The following RIMS2 variants were observed in gnomAD, a reference collection of about 807,000 sequenced individuals.
The protein encoded by RIMS2 is regulating synaptic membrane exocytosis 2, also known as regulating synaptic membrane exocytosis protein 2.
Under a neutral mutation model 174.4 loss-of-function variants are expected in RIMS2, and 59 were observed. The observed-to-expected ratio is 0.34, with a 90% confidence interval of 0.27 to 0.42. The LOEUF is 0.42. Ranked by LOEUF, RIMS2 falls within the 10% of genes least tolerant of loss-of-function variation. RIMS2 has a pLI of 1.00. For missense variants in RIMS2, 1,620 were observed against 1,666.3 expected (o/e 0.97, Z 0.48); for synonymous variants, 606 against 572.5 (o/e 1.06, Z -0.84).
At chr8:103,758,726 T>G (rs1219510513) in intron 2 of RIMS2, among the ~76,000 whole-genome samples, 1 of 152,218 alleles carries the variant, frequency 6.6e-6, no homozygotes, top group Non-Finnish European at 1.5e-5. Context: ...GAAACAACAG[T>G]CTTTCTATTG....
At chr8:103,907,493 G>A (rs1414510511) in intron 4 of RIMS2, among the ~76,000 whole-genome samples, 3 of 151,762 alleles carry the variant, frequency 2.0e-5, no homozygotes, top group Non-Finnish European at 4.4e-5. Flanking sequence ...TATTTGATTT[G>A]TAGACCTCCC....
At chr8:103,574,305 C>G (rs1432772212) in intron 1 of RIMS2, among the ~76,000 whole-genome samples, 1 of 152,076 alleles carries the variant, frequency 6.6e-6, no homozygotes, top group Non-Finnish European at 1.5e-5. Context: ...GTATGGAGTG[C>G]TTTTGCCATT....
At chr8:104,251,063 G>T (rs2140303663) in exon 23 of RIMS2, 1 of 1,613,336 alleles carries the variant, frequency 6.2e-7, no homozygotes, top group African/African-American at 1.3e-5. Context: ...AACGGAGTCT[G>T]CATAGCCAAA....
At chr8:103,776,286 G>A (rs529830533) in intron 3 of RIMS2, among the ~76,000 whole-genome samples, 39 of 152,194 alleles carry the variant, frequency 2.6e-4, no homozygotes, top group African/African-American at 8.2e-4. Flanking sequence ...CTACTAAAAC[G>A]AAGTGTGATA....
At chr8:103,877,517 C>G (rs2099147122) in intron 3 of RIMS2, among the ~76,000 whole-genome samples, 1 of 151,354 alleles carries the variant, frequency 6.6e-6, no homozygotes, top group African/African-American at 2.4e-5. Context: ...TACTCTGCTG[C>G]TCAGTGTATG....
chr8:103,937,796 A>T (rs761769947), intron 13 of RIMS2, among the ~76,000 whole-genome samples: 1 of 152,216 alleles, frequency 6.6e-6, no homozygotes, highest in African/African-American at 2.4e-5. Flanking sequence ...AGACCAGGGC[A>T]TGTCCCTTAA....
intron 11 of RIMS2, among the ~76,000 whole-genome samples, chr8:103,929,896 TG>T (rs2079564064): frequency 6.6e-6 from 1 of 151,902 alleles, no homozygotes; most frequent in South Asian, 2.1e-4. Flanking sequence ...TCTAAGGCAG[TG>T]GTTCTCAAAT....
At chr8:103,732,726 C>T (rs991311324) in intron 2 of RIMS2, among the ~76,000 whole-genome samples, 3 of 152,164 alleles carry the variant, frequency 2.0e-5, no homozygotes, top group Non-Finnish European at 4.4e-5. Context: ...ACCACCACCG[C>T]GGACCTATGG....
At chr8:103,546,748 T>C (rs910488289) in intron 1 of RIMS2, among the ~76,000 whole-genome samples, 1 of 152,158 alleles carries the variant, frequency 6.6e-6, no homozygotes, top group African/African-American at 2.4e-5. Context: ...CATTCAGCCA[T>C]GGGATGTGCT....
intron 4 of RIMS2, among the ~76,000 whole-genome samples, chr8:103,905,836 G>C (rs1265754295): frequency 9.8e-6 from 1 of 102,398 alleles, no homozygotes; most frequent in African/African-American, 3.8e-5. Context: ...CATTTTTATT[G>C]TTCCATCTTC....
intron 2 of RIMS2, among the ~76,000 whole-genome samples, chr8:103,750,787 G>C (rs1413987022): frequency 1.3e-5 from 2 of 152,130 alleles, no homozygotes; most frequent in Non-Finnish European, 1.5e-5. Context: ...CACCATGATT[G>C]TAAGTTTCCT....
chr8:103,569,160 C>T (rs1042055378), intron 1 of RIMS2, among the ~76,000 whole-genome samples: 19 of 152,028 alleles, frequency 1.2e-4, no homozygotes, highest in Non-Finnish European at 2.4e-4. Flanking sequence ...AAGAGTTTTA[C>T]AGTTTTGGCT....
exon 4 of RIMS2, chr8:103,885,395 A>G (rs373874945): frequency 8.1e-6 from 13 of 1,612,620 alleles, no homozygotes; most frequent in Admixed American, 3.3e-5. Flanking sequence ...GGATACCGCA[A>G]TGCCTAGATC....
chr8:103,911,157 GT>G (rs2075602587), intron 5 of RIMS2, among the ~76,000 whole-genome samples: 1 of 152,048 alleles, frequency 6.6e-6, no homozygotes, highest in Admixed American at 6.6e-5. Context: ...TGGAACTTAT[GT>G]TTTGCCTGCT....
chr8:103,881,148 T>C (rs2099165517), intron 3 of RIMS2, among the ~76,000 whole-genome samples: 1 of 151,562 alleles, frequency 6.6e-6, no homozygotes. Flanking sequence ...AATTTAATAA[T>C]ATAAAATTTG....
In RIMS2 at chr8:103,575,699, T is replaced by TATATATATAC. The variant is rs538739527; in HGVS notation, c.176+74638_176+74639insTATATATACA. On this transcript the variant is annotated intron_variant, in intron 1 of 23. Transcript: ENST00000504942. ...ACACACACACACATATATATATATA[T>TATATATATAC]ACACATACAGCACTGAGATTATCAC... is the stretch of plus-strand genomic sequence containing the variant. Among the ~76,000 whole-genome samples, 8 of 149,450 alleles carry TATATATATAC rather than the reference T, an allele frequency of 5.4e-5. No homozygotes were observed. In the East Asian group the frequency reaches 7.8e-4, roughly 15 times the overall value.
At chr8:104,008,115 A>G (rs1170355845) in intron 17 of RIMS2, among the ~76,000 whole-genome samples, 2 of 152,152 alleles carry the variant, frequency 1.3e-5, no homozygotes, top group Non-Finnish European at 2.9e-5. Flanking sequence ...TTAGAGATAT[A>G]CTTTTAAAAA....
At chr8:103,865,241 T>C (rs1038874361) in intron 3 of RIMS2, among the ~76,000 whole-genome samples, 10 of 151,408 alleles carry the variant, frequency 6.6e-5, no homozygotes, top group Non-Finnish European at 1.3e-4. Context: ...AATGAGAAAT[T>C]TGAGTTTCTC....
rs751636552 is a variant in RIMS2, at chr8:104,169,304, C to CTATATA, written c.3335-75581_3335-75576dup. On this transcript the variant is annotated intron_variant, in intron 19 of 23. Transcript: ENST00000504942. The stretch of plus-strand genomic sequence containing the variant: ...AGTCCTGGACTTTTTTTGTTGTTGG[C>CTATATA]TATATATATATATATATATATATAT... 4.7e-3 allele frequency among the ~76,000 whole-genome samples: 413 copies of CTATATA among 87,422 alleles called. 1 individual carries two copies. Among genetic ancestry groups the CTATATA allele is most frequent in the Middle Eastern group, 0.019 (3 of 162 alleles). 57.4% of individuals were successfully genotyped at this position (87,422 alleles called of 152,430 possible). A position where few individuals can be genotyped will look rare whatever the true frequency, so the allele number is the denominator to read the frequency against.
Sources: allele counts gnomAD v4.1 joint callset (sites outside exome capture counted in the v4.1 genomes callset), GRCh38; gene constraint gnomAD v4.1.1; transcripts MANE v1.5; gene names NCBI Gene and HGNC (gene_info 2026-07-23, HGNC 2026-07-21).